Variants in HAPLN1 observed in about 807,000 individuals in gnomAD.
The protein encoded by HAPLN1 is Cartilage link protein.
Under a neutral mutation model 36.5 loss-of-function variants are expected in HAPLN1, and 13 were observed. The ratio of observed to expected loss-of-function variants is 0.36; its 90% CI spans 0.23 to 0.57. The LOEUF is 0.57. HAPLN1 is among the 20% of genes least tolerant of loss of function. The pLI is 0.83. For missense variants in HAPLN1, 407 were observed against 439.7 expected (o/e 0.93, Z 0.66); for synonymous variants, 202 against 169.8 (o/e 1.19, Z -1.48).
chr5:83,679,209 C>G (rs1357737539), intron 1 of HAPLN1, among the ~76,000 whole-genome samples: 2 of 152,148 alleles, frequency 1.3e-5, no homozygotes, highest in Non-Finnish European at 2.9e-5. Context: ...TTTAAAATGA[C>G]TGCTTTTTGG....
intron 1 of HAPLN1, among the ~76,000 whole-genome samples, chr5:83,696,929 C>T (rs958871913): frequency 1.3e-5 from 2 of 152,104 alleles, no homozygotes; most frequent in African/African-American, 4.8e-5. Flanking sequence ...ACTCTTTAAG[C>T]ATACAGTGCA....
intron 1 of HAPLN1, among the ~76,000 whole-genome samples, chr5:83,717,210 A>T (rs1397547099): frequency 6.6e-6 from 1 of 152,136 alleles, no homozygotes; most frequent in Non-Finnish European, 1.5e-5. Flanking sequence ...GTAGATAATG[A>T]TCTACTGGAA....
At chr5:83,673,304 A>G in intron 2 of HAPLN1, 120 bp downstream of exon 2, 1 of 657,116 alleles carries the variant, frequency 1.5e-6, no homozygotes, top group Non-Finnish European at 2.6e-6. Flanking sequence ...ACCAATTAGC[A>G]GAAAGGGAAA....
At position 83,677,263 on chromosome 5, in the gene HAPLN1, A is replaced by G. The variant is rs573119877; in HGVS notation, c.-26-3714T>C. On this transcript the variant is annotated intron_variant, in intron 1 of 4. Transcript: ENST00000274341. Reference sequence around the variant, plus strand: ...AAGTGGAGTCTTAGGGTGGTGAGGTACCCAGCATGTACAACAAGGAGCTGG... The same window carrying G: ...AAGTGGAGTCTTAGGGTGGTGAGGTGCCCAGCATGTACAACAAGGAGCTGG... Among the ~76,000 whole-genome samples, 4 of 152,278 alleles carry G rather than the reference A, an allele frequency of 2.6e-5. No individual in the cohort carries two copies. In the South Asian group the frequency reaches 6.2e-4, roughly 24 times the overall value.
chr5:83,708,712 T>G (rs1389454204), intron 1 of HAPLN1, among the ~76,000 whole-genome samples: 1 of 152,016 alleles, frequency 6.6e-6, no homozygotes, highest in East Asian at 1.9e-4. Context: ...AAACTAAAAG[T>G]TAAAAAAAAG....
chr5:83,714,786 A>G (rs1361378075), intron 1 of HAPLN1, among the ~76,000 whole-genome samples: 1 of 152,324 alleles, frequency 6.6e-6, no homozygotes, highest in East Asian at 1.9e-4. Flanking sequence ...AAACTGTAGA[A>G]CTTAAGAAGC....
chr5:83,652,944 C>T, intron 2 of HAPLN1, 120 bp from the exon 3 acceptor site: 1 of 943,612 alleles, frequency 1.1e-6, no homozygotes, highest in South Asian at 1.9e-5. Context: ...GAGTGGTTAG[C>T]TTCTCTACGT....
chr5:83,659,040 G>A (rs1750306064), intron 2 of HAPLN1, among the ~76,000 whole-genome samples: 1 of 152,138 alleles, frequency 6.6e-6, no homozygotes, highest in Non-Finnish European at 1.5e-5. Flanking sequence ...TTGGGAGGCA[G>A]AGGTAGGTGG....
chr5:83,652,639 C>T lies in HAPLN1; in HGVS notation c.286G>A (p.Val96Ile), dbSNP rs78290665. 4.3e-6 allele frequency: 7 copies of T among 1,614,088 alleles called. No individual in the cohort carries two copies. In the Admixed American group the frequency reaches 6.7e-5, roughly 15 times the overall value. The change falls in exon 3 of 5, where the codon GTT (valine) becomes ATT (isoleucine). Residue 96 changes from valine (V) to isoleucine (I), a missense_variant. By Grantham distance (29) the Val-to-Ile change is conservative. Coordinates refer to ENST00000274341, the MANE Select transcript of HAPLN1 (RefSeq NM_001884.4). Reference protein sequence around the residue: ...SDYLKEVDVFVSMGYHKKTYG... With the variant: ...SDYLKEVDVFISMGYHKKTYG... ...GTTTTTTTGTGGTATCCCATGGAAACAAAAACATCCACTTCCTTGAGGTAA... is the reference window on the plus strand; with the variant it reads ...GTTTTTTTGTGGTATCCCATGGAAATAAAAACATCCACTTCCTTGAGGTAA...
chr5:83,667,214 ATAC>A (rs1225091256), intron 2 of HAPLN1, among the ~76,000 whole-genome samples: 2 of 152,170 alleles, frequency 1.3e-5, no homozygotes, highest in Non-Finnish European at 2.9e-5. Flanking sequence ...TCCTACATAT[ATAC>A]TTTTGTTCTT....
chr5:83,658,526 G>A (rs977114179), intron 2 of HAPLN1, among the ~76,000 whole-genome samples: 5 of 152,132 alleles, frequency 3.3e-5, no homozygotes, highest in African/African-American at 7.2e-5. Flanking sequence ...TATTTAAGTA[G>A]AATACGTAAT....
At chr5:83,659,217 T>C (rs1750311461) in intron 2 of HAPLN1, among the ~76,000 whole-genome samples, 1 of 151,762 alleles carries the variant, frequency 6.6e-6, no homozygotes, top group African/African-American at 2.4e-5. Flanking sequence ...GAGGTTGCAG[T>C]GAGCCAAGAT....
At position 83,644,639 on chromosome 5, in the gene HAPLN1, G is replaced by A; in HGVS notation, c.499C>T (p.Leu167=). Residue 167 remains leucine (L), a synonymous_variant, in exon 4 of 5, where the codon CTG becomes TTG. Coordinates refer to ENST00000274341, the MANE Select transcript of HAPLN1 (RefSeq NM_001884.4). ...TGAAAATTGAGATTGTAGCGCCCCA[G>A]TCGTGGAAAGTAAGGGAATACCACA... ...QGVVFPYFPR[L]GRYNLNFHEA... 1 of 1,480,990 alleles carries A rather than the reference G, an allele frequency of 6.8e-7. No homozygotes were observed. The highest frequency in any genetic ancestry group is 9.0e-7 in the Non-Finnish European group (1 of 1,112,128). The allele number at this position is 1,480,990 out of a possible 1,614,324, so 91.7% of individuals were successfully genotyped here. A position where few individuals can be genotyped will look rare whatever the true frequency, so the allele number is the denominator to read the frequency against.
In HAPLN1 at chr5:83,644,046, G is replaced by A. The variant is rs1040840711; in HGVS notation, c.775+317C>T. Among the ~76,000 whole-genome samples the A allele has an allele frequency of 7.2e-5, 11 of 152,232 alleles. No homozygotes were observed. The East Asian group carries it at 1.2e-3, about 16-fold the overall frequency. ...TTTGATTGACAGAACCATATCCTAC[G>A]GAGGGCACACACTGGCAGCATCATC... On this transcript the variant is annotated intron_variant, in intron 4 of 4. Coordinates refer to ENST00000274341, the MANE Select transcript of HAPLN1 (RefSeq NM_001884.4).
At chr5:83,672,443 C>G (rs565556911) in intron 2 of HAPLN1, among the ~76,000 whole-genome samples, 12 of 152,034 alleles carry the variant, frequency 7.9e-5, no homozygotes, top group Non-Finnish European at 1.5e-4. Flanking sequence ...TGGAAGCAAA[C>G]AAAACTAAAA....
intron 1 of HAPLN1, among the ~76,000 whole-genome samples, chr5:83,691,839 G>C (rs1159895256): frequency 6.6e-6 from 1 of 151,876 alleles, no homozygotes; most frequent in Non-Finnish European, 1.5e-5. Context: ...GATAGAAACA[G>C]TAGATAAGAA....
At chr5:83,663,153 G>T (rs566617012) in intron 2 of HAPLN1, among the ~76,000 whole-genome samples, 8 of 152,176 alleles carry the variant, frequency 5.3e-5, no homozygotes, top group African/African-American at 1.7e-4. Flanking sequence ...CACAGGCCCC[G>T]TTCTAAACAG....
At chr5:83,680,544 G>T (rs1181470591) in intron 1 of HAPLN1, among the ~76,000 whole-genome samples, 1 of 152,182 alleles carries the variant, frequency 6.6e-6, no homozygotes, top group East Asian at 1.9e-4. Flanking sequence ...ATGGGCATGT[G>T]TTCCATAATT....
At position 83,640,250 on chromosome 5, in the gene HAPLN1, G is replaced by A. The variant is rs552838765; in HGVS notation, c.*1246C>T. 7.0e-6 allele frequency: 1 copy of A among 143,692 alleles called. No individual in the cohort carries two copies. Among genetic ancestry groups the A allele is most frequent in the Non-Finnish European group, 1.6e-5 (1 of 62,908 alleles). 8.9% of individuals were successfully genotyped at this position (143,692 alleles called of 1,614,324 possible). On this transcript the variant is annotated 3_prime_UTR_variant, in exon 5 of 5. Transcript: ENST00000274341. ...CTGCTAATGTGGAAAATTGTGTTTG[G>A]AAGCTGGACTTAACCTTTTATTTAA...
Sources: allele counts gnomAD v4.1 joint callset (sites outside exome capture counted in the v4.1 genomes callset), GRCh38; gene constraint gnomAD v4.1.1; transcripts MANE v1.5; gene names NCBI Gene and HGNC (gene_info 2026-07-23, HGNC 2026-07-21).